Variants in RHBDD1 observed in about 807,000 individuals in gnomAD.
RHBDD1 encodes the protein rhomboid-related protein 4.
A neutral mutation model predicts 36.3 loss-of-function variants in RHBDD1; 38 were observed. The ratio of observed to expected loss-of-function variants is 1.05; its 90% CI spans 0.81 to 1.37. RHBDD1 has a LOEUF of 1.37. RHBDD1 is among the 40% of genes most tolerant of loss of function. RHBDD1 has a pLI of 0.00. For synonymous variants in RHBDD1, 151 were observed against 136.5 expected, an observed-to-expected ratio of 1.11 and a Z score of -0.74; for missense variants, 393 against 377.6, an observed-to-expected ratio of 1.04 and a Z score of -0.34.
At chr2:226,904,853 C>T (rs1179402276) in intron 5 of RHBDD1, among the ~76,000 whole-genome samples, 2 of 152,186 alleles carry the variant, frequency 1.3e-5, no homozygotes, top group East Asian at 1.9e-4. Context: ...TACCAAATGG[C>T]GGATTCTTAG....
the RHBDD1 span, among the ~76,000 whole-genome samples, chr2:226,812,993 G>A: frequency 6.6e-6 from 1 of 152,196 alleles, no homozygotes; most frequent in Non-Finnish European, 1.5e-5. Flanking sequence ...TCTAATTGCA[G>A]ATGAGGTTGA....
rs535826962 is a variant in RHBDD1 at position 226,988,731 on chromosome 2, T to G, written c.857-6700T>G. 4 of 923,170 alleles carry G rather than the reference T, an allele frequency of 4.3e-6. No individual in the cohort carries two copies. In the South Asian group the frequency reaches 2.0e-4, roughly 46 times the overall value. 57.2% of individuals were successfully genotyped at this position (923,170 alleles called of 1,614,324 possible). On this transcript the variant is annotated intron_variant, in intron 8 of 8. Coordinates refer to ENST00000392062, the MANE Select transcript of RHBDD1 (RefSeq NM_001167608.3). ...CCTCATATACATAGATATAGATATA[T>G]TAAGAGATAGAACGAGCATAGAGAA...
intron 8 of RHBDD1, among the ~76,000 whole-genome samples, chr2:226,957,492 A>G (rs2149250156): frequency 6.6e-6 from 1 of 152,156 alleles, no homozygotes; most frequent in African/African-American, 2.4e-5. Context: ...GGAGGCTAAG[A>G]CATGAGAATT....
At chr2:226,886,891 C>A (rs992051232) in intron 5 of RHBDD1, among the ~76,000 whole-genome samples, 2 of 150,830 alleles carry the variant, frequency 1.3e-5, no homozygotes, top group African/African-American at 2.4e-5. Flanking sequence ...AGAAAAGGAA[C>A]AAATAAATAG....
chr2:226,906,190 A>G (rs919790731), intron 5 of RHBDD1, among the ~76,000 whole-genome samples: 5 of 152,216 alleles, frequency 3.3e-5, no homozygotes, highest in African/African-American at 1.2e-4. Context: ...AAACACTTTC[A>G]TGCCCTAACT....
At position 226,935,572 on chromosome 2, in the gene RHBDD1, C is replaced by T. The variant is rs563322385; in HGVS notation, c.856+21221C>T. On this transcript the variant is annotated intron_variant, in intron 8 of 8. Transcript: ENST00000392062. ...TCAGTGACCTGAGTTTCATTCCTAG[C>T]ATAACCATTAACTAACTTTATTTGT... 9 of 152,148 alleles carry T rather than the reference C, an allele frequency of 5.9e-5. No homozygotes were observed. The South Asian group carries it at 1.7e-3, about 28-fold the overall frequency. The allele number at this position is 152,148 out of a possible 1,614,324, so 9.4% of individuals were successfully genotyped here.
chr2:226,928,383 C>G (rs1203711676), intron 8 of RHBDD1, among the ~76,000 whole-genome samples: 1 of 151,956 alleles, frequency 6.6e-6, no homozygotes, highest in African/African-American at 2.4e-5. Flanking sequence ...GGAAATTAAG[C>G]AAATCTGCTC....
chr2:226,803,697 A>C, the RHBDD1 span, among the ~76,000 whole-genome samples: 1 of 152,234 alleles, frequency 6.6e-6, no homozygotes, highest in Admixed American at 6.5e-5. Flanking sequence ...TATCAGTTAC[A>C]GACAGTGCAA....
chr2:226,906,878 G>C lies in RHBDD1; in HGVS notation c.652G>C (p.Ala218Pro). 1.9e-6 allele frequency: 3 copies of C among 1,614,088 alleles called. No individual in the cohort carries two copies. Among genetic ancestry groups the C allele is most frequent in the Non-Finnish European group, 2.5e-6 (3 of 1,179,942 alleles). Residue 218 changes from alanine (A) to proline (P), a missense_variant, in exon 6 of 9, where the codon GCA (alanine) becomes CCA (proline). Ala to Pro is a conservative substitution (Grantham distance 27, BLOSUM62 -1). Transcript: ENST00000392062. ...GPLKKIMEAC[A>P]GGFSSSVGYP... ...TCTGAAGAAAATCATGGAAGCATGT[G>C]CAGGTACAGAATAAAACACCTTTGG...
At chr2:226,915,102 C>G (rs1484920312) in intron 8 of RHBDD1, among the ~76,000 whole-genome samples, 1 of 151,916 alleles carries the variant, frequency 6.6e-6, no homozygotes, top group Non-Finnish European at 1.5e-5. Flanking sequence ...GGGCATATGC[C>G]TACTAGATGT....
chr2:226,948,816 T>G (rs1290221153), intron 8 of RHBDD1, among the ~76,000 whole-genome samples: 1 of 152,014 alleles, frequency 6.6e-6, no homozygotes, highest in Non-Finnish European at 1.5e-5. Flanking sequence ...GAGAAAGAAA[T>G]AAAGGGCATT....
chr2:226,963,904 A>G (rs1324899805), intron 8 of RHBDD1, among the ~76,000 whole-genome samples: 1 of 151,984 alleles, frequency 6.6e-6, no homozygotes, highest in African/African-American at 2.4e-5. Flanking sequence ...ACCACCCCCT[A>G]CTTAACTCCT....
chr2:226,912,327 T>C (rs574802462), intron 7 of RHBDD1, among the ~76,000 whole-genome samples: 2 of 152,116 alleles, frequency 1.3e-5, no homozygotes, highest in African/African-American at 4.8e-5. Flanking sequence ...AGAATCGCCA[T>C]GTGACGCAGC....
the RHBDD1 span, among the ~76,000 whole-genome samples, chr2:226,812,645 C>CTT: frequency 7.0e-6 from 1 of 143,290 alleles, no homozygotes; most frequent in Non-Finnish European, 1.6e-5. Flanking sequence ...CTCTCTCTCT[C>CTT]TCTTTTTTTT....
chr2:226,906,774 G>T lies in RHBDD1; in HGVS notation c.567-19G>T. 6.2e-7 allele frequency: 1 copy of T among 1,613,962 alleles called. No individual in the cohort carries two copies. On this transcript the variant is annotated intron_variant, in intron 5 of 8. Coordinates refer to ENST00000392062, the MANE Select transcript of RHBDD1 (RefSeq NM_001167608.3). ...CAGCAGCAGAACAAACACTCACAAA[G>T]GGTCTCCTTCCCTCCTAGGACTTCC...
chr2:226,958,631 G>C (rs1263416318), intron 8 of RHBDD1, among the ~76,000 whole-genome samples: 3 of 151,812 alleles, frequency 2.0e-5, no homozygotes, highest in Non-Finnish European at 2.9e-5. Flanking sequence ...CCTAATAATA[G>C]AGGAGAAAAA....
intron 5 of RHBDD1, among the ~76,000 whole-genome samples, chr2:226,872,236 T>G (rs1220182715): frequency 6.6e-6 from 1 of 152,192 alleles, no homozygotes; most frequent in African/African-American, 2.4e-5. Flanking sequence ...AGTAAAAATT[T>G]TAAATGAGAA....
chr2:226,949,543 A>G (rs1248290874), intron 8 of RHBDD1, among the ~76,000 whole-genome samples: 3 of 152,204 alleles, frequency 2.0e-5, no homozygotes, highest in Non-Finnish European at 4.4e-5. Context: ...TTCACAGTCT[A>G]TGTACTTTAT....
the RHBDD1 span, among the ~76,000 whole-genome samples, chr2:226,801,121 C>T: frequency 1.2e-4 from 18 of 152,350 alleles, no homozygotes; most frequent in East Asian, 3.5e-3. Context: ...CCGGGACCCT[C>T]CTCGGCCTCA....
Sources: allele counts gnomAD v4.1 joint callset (sites outside exome capture counted in the v4.1 genomes callset), GRCh38; gene constraint gnomAD v4.1.1; transcripts MANE v1.5; gene names NCBI Gene and HGNC (gene_info 2026-07-23, HGNC 2026-07-21).